Variants in GEMIN5 observed in about 807,000 individuals in gnomAD.
GEMIN5 encodes gem nuclear organelle associated protein 5, also known as gem-associated protein 5.
In GEMIN5, 124 loss-of-function variants were observed where a neutral mutation model predicts 176.9. The observed-to-expected ratio is 0.70, with a 90% confidence interval of 0.61 to 0.81. The LOEUF (loss-of-function observed/expected upper bound fraction) is 0.81, where lower values mean the gene tolerates loss of function less well. Among genes scored for constraint, GEMIN5 ranks in the 40% least tolerant of loss-of-function variants. The pLI, the probability that GEMIN5 is intolerant of heterozygous loss-of-function variation, is 0.00. For synonymous variants in GEMIN5, 673 were observed against 665.2 expected, an observed-to-expected ratio of 1.01 and a Z score of -0.18; for missense variants, 1,843 against 1,814.6, an observed-to-expected ratio of 1.02 and a Z score of -0.28.
At chr5:154,904,769 C>A in intron 17 of GEMIN5, 140 bp from the exon 18 acceptor site, 2 of 609,800 alleles carry the variant, frequency 3.3e-6, no homozygotes. Flanking sequence ...AAGAGGCTTT[C>A]AAAATAAATT....
At chr5:154,890,785 A>G (rs1424530733) in intron 26 of GEMIN5, among the ~76,000 whole-genome samples, 1 of 151,902 alleles carries the variant, frequency 6.6e-6, no homozygotes, top group Non-Finnish European at 1.5e-5. Flanking sequence ...ATTTTTTGAG[A>G]TGAAGTCTCC....
At position 154,898,439 on chromosome 5, in the gene GEMIN5, C is replaced by T. The variant is rs750256394; in HGVS notation, c.3345+1G>A. ...ACTAGGAGATGAAATAACAGACTGA[C>T]CTGTAGACTTTCATGCAGCTGCAGG... On this transcript the variant is annotated splice_donor_variant, in intron 23 of 27. Coordinates refer to ENST00000285873, the MANE Select transcript of GEMIN5 (RefSeq NM_015465.5). LOFTEE classifies it high-confidence loss of function. 3 of 1,610,998 alleles carry T rather than the reference C, an allele frequency of 1.9e-6. No homozygotes were observed. Among genetic ancestry groups the T allele is most frequent in the African/African-American group, 2.7e-5 (2 of 74,886 alleles).
intron 15 of GEMIN5, among the ~76,000 whole-genome samples, chr5:154,910,812 C>T (rs1026767716): frequency 6.6e-5 from 10 of 152,200 alleles, no homozygotes; most frequent in Admixed American, 4.6e-4. Context: ...CATTCTCCTG[C>T]CTCAGCCTCC....
intron 20 of GEMIN5, 74 bp downstream of exon 20, chr5:154,902,465 G>T: frequency 7.3e-7 from 1 of 1,367,864 alleles, no homozygotes; most frequent in Non-Finnish European, 1.0e-6. Context: ...ACTGTGCTAA[G>T]AGCCATCTTT....
At chr5:154,910,087 T>G (rs992225448) in intron 15 of GEMIN5, among the ~76,000 whole-genome samples, 1 of 152,062 alleles carries the variant, frequency 6.6e-6, no homozygotes, top group African/African-American at 2.4e-5. Flanking sequence ...TCCATTTTGT[T>G]CTTTATCAGT....
chr5:154,934,804 C>T (rs180841911), intron 3 of GEMIN5, among the ~76,000 whole-genome samples: 5 of 152,290 alleles, frequency 3.3e-5, no homozygotes, highest in Non-Finnish European at 5.9e-5. Flanking sequence ...CTATAATTTT[C>T]CTTAGTACAT....
intron 5 of GEMIN5, among the ~76,000 whole-genome samples, chr5:154,929,989 G>T (rs1231978245): frequency 6.6e-6 from 1 of 152,138 alleles, no homozygotes; most frequent in African/African-American, 2.4e-5. Context: ...TCTCTTCAAA[G>T]AATCAATATG....
intron 9 of GEMIN5, among the ~76,000 whole-genome samples, chr5:154,921,657 A>G (rs1763924527): frequency 6.6e-6 from 1 of 152,130 alleles, no homozygotes; most frequent in Non-Finnish European, 1.5e-5. Flanking sequence ...TACTACCAAA[A>G]CGATTAAGTC....
At chr5:154,931,672 T>G in intron 4 of GEMIN5, 95 bp from the exon 5 acceptor site, 2 of 1,017,168 alleles carry the variant, frequency 2.0e-6, no homozygotes, top group Non-Finnish European at 2.9e-6. Context: ...CTTAGCTATC[T>G]CTTTCATAGG....
Position 154,920,049 on chromosome 5 carries a change from A to G in GEMIN5, c.1517T>C (p.Ile506Thr). 6.2e-7 allele frequency: 1 copy of G among 1,613,024 alleles called. No individual in the cohort carries two copies. The highest frequency in any genetic ancestry group is 8.5e-7 in the Non-Finnish European group (1 of 1,179,040). Residue 506 changes from isoleucine (I) to threonine (T), a missense_variant, in exon 11 of 28, where the codon ATT becomes ACT. Coordinates refer to ENST00000285873, the MANE Select transcript of GEMIN5 (RefSeq NM_015465.5). ...CTTCCAGGGATTATGCTGTAAGACAATCCCTTCTCCTCCACAGCTGTATAA... is the reference window on the plus strand; with the variant it reads ...CTTCCAGGGATTATGCTGTAAGACAGTCCCTTCTCCTCCACAGCTGTATAA... ...LALYSCGGEGIVLQHNPWKLS... is the reference protein window; with the variant it reads ...LALYSCGGEGTVLQHNPWKLS...
At chr5:154,896,453 A>G (rs1010626944) in intron 23 of GEMIN5, 110 bp from the exon 24 acceptor site, 1 of 1,132,520 alleles carries the variant, frequency 8.8e-7, no homozygotes, top group African/African-American at 1.6e-5. Context: ...TGCAGCAACC[A>G]AAGCACATTA....
chr5:154,907,943 GA>G, intron 15 of GEMIN5, 125 bp from the exon 16 acceptor site: 1 of 668,684 alleles, frequency 1.5e-6, no homozygotes, highest in African/African-American at 1.8e-5. Context: ...TCTTCTCAAT[GA>G]ACTTTTAGAA....
chr5:154,919,835 A>G, intron 11 of GEMIN5, 132 bp downstream of exon 11: 1 of 738,308 alleles, frequency 1.4e-6, no homozygotes. Flanking sequence ...GCACAGCCTT[A>G]TAAGAACATT....
chr5:154,897,428 C>T (rs572359527), intron 23 of GEMIN5, among the ~76,000 whole-genome samples: 1 of 152,322 alleles, frequency 6.6e-6, no homozygotes, highest in Admixed American at 6.5e-5. Flanking sequence ...TGGTATGTTA[C>T]TGATTTTTAA....
At chr5:154,931,404 T>G in intron 5 of GEMIN5, 54 bp downstream of exon 5, 2 of 1,539,346 alleles carry the variant, frequency 1.3e-6, no homozygotes, top group Non-Finnish European at 1.8e-6. Context: ...CAGAAAACCC[T>G]CTACTTCCAC....
rs1763499503 is a variant in GEMIN5 at position 154,903,140 on chromosome 5, T to C, written c.2668A>G (p.Arg890Gly). ...NEDVSADVEE[R>G]FHLGLFTDRA... The stretch of plus-strand genomic sequence containing the variant: ...TCTGTGAAAAGCCCCAGATGAAATC[T>C]TTCCTCAACATCAGCAGACACATCT... Residue 890 changes from arginine (R) to glycine (G), a missense_variant, in exon 19 of 28, where the codon AGA becomes GGA. Physicochemically the swap from Arg to Gly is moderately radical, Grantham distance 125. Transcript: ENST00000285873. The C allele has an allele frequency of 1.2e-6, 2 of 1,613,022 alleles. No homozygotes were observed. The highest frequency in any genetic ancestry group is 1.7e-5 in the Admixed American group (1 of 60,002).
At chr5:154,888,998 T>A (rs1763166016) in intron 27 of GEMIN5, among the ~76,000 whole-genome samples, 1 of 152,100 alleles carries the variant, frequency 6.6e-6, no homozygotes, top group Admixed American at 6.6e-5. Flanking sequence ...TGCCTCAGCC[T>A]CCCGAGTAAC....
At chr5:154,912,854 A>G in intron 14 of GEMIN5, 45 bp downstream of exon 14, 1 of 1,524,240 alleles carries the variant, frequency 6.6e-7, no homozygotes, top group Non-Finnish European at 9.0e-7. Context: ...AGAATTTGTT[A>G]GAGTACACAG....
intron 16 of GEMIN5, among the ~76,000 whole-genome samples, chr5:154,907,165 G>C (rs1239607125): frequency 1.3e-5 from 2 of 152,176 alleles, no homozygotes; most frequent in East Asian, 3.8e-4. Flanking sequence ...CTCCACGTAA[G>C]GGGGTGAGAG....
Sources: gnomAD v4.1 joint callset for allele counts (sites outside exome capture counted in the v4.1 genomes callset) on GRCh38, gnomAD v4.1.1 for gene constraint, MANE v1.5 for transcripts, NCBI Gene and HGNC (gene_info 2026-07-23, HGNC 2026-07-21) for gene names.